Variants in ZFYVE26 observed in about 807,000 individuals in gnomAD.
ZFYVE26 encodes the protein zinc finger FYVE-type containing 26, also known as zinc finger FYVE domain-containing protein 26.
Under a neutral mutation model 276.5 loss-of-function variants are expected in ZFYVE26, and 181 were observed. The ratio of observed to expected loss-of-function variants is 0.65; its 90% CI spans 0.58 to 0.74. The LOEUF (loss-of-function observed/expected upper bound fraction) is 0.74. ZFYVE26 is among the 30% of genes least tolerant of loss of function. The probability of loss-of-function intolerance (pLI) is 0.00; values close to 1 mark genes in which losing one functional copy is unlikely to be tolerated. For missense variants in ZFYVE26, 2,821 were observed against 3,097.9 expected, an observed-to-expected ratio of 0.91 and a Z score of 2.12; for synonymous variants, 1,129 against 1,203.1, an observed-to-expected ratio of 0.94 and a Z score of 1.27.
chr14:67,742,896 G>A (rs2038433704), downstream of ZFYVE26, among the ~76,000 whole-genome samples: 2 of 137,382 alleles, frequency 1.5e-5, no homozygotes, highest in Admixed American at 1.6e-4. Flanking sequence ...CTGGAATGCA[G>A]TGGCACAACC....
chr14:67,749,499 T>C (rs1721559115), intron 41 of ZFYVE26, among the ~76,000 whole-genome samples: 1 of 152,164 alleles, frequency 6.6e-6, no homozygotes, highest in Non-Finnish European at 1.5e-5. Context: ...AACAGTGCTC[T>C]AGGCTGGTGA....
Position 67,785,049 on chromosome 14 carries a change from T to C in ZFYVE26, c.3523+10A>G. 1 of 1,614,106 alleles carries C rather than the reference T, an allele frequency of 6.2e-7. No homozygotes were observed. The highest frequency in any genetic ancestry group is 1.1e-5 in the South Asian group (1 of 91,028). On this transcript the variant is annotated intron_variant, in intron 19 of 41. Coordinates refer to ENST00000347230, the MANE Select transcript of ZFYVE26 (RefSeq NM_015346.4). ...TGCCATGAATCTATTGCCTCTTTCT[T>C]GCTACCTACCAGGCTCAGAGCTCAA...
rs2039992542 is a variant in ZFYVE26 at position 67,798,000 on chromosome 14, C to T, written c.2248+14G>A. On this transcript the variant is annotated intron_variant, in intron 11 of 41. Transcript: ENST00000347230. ...CTCCACCTTCTGGTCCCACCAGTTC[C>T]ACCCTTCTCTCACCTGAACGATGGT... 6.2e-7 allele frequency: 1 copy of T among 1,613,916 alleles called. No individual in the cohort carries two copies. Among genetic ancestry groups the T allele is most frequent in the Non-Finnish European group, 8.5e-7 (1 of 1,180,036 alleles).
rs751851894 is a variant in ZFYVE26, at chr14:67,802,183, C to A, written c.1535G>T (p.Cys512Phe). Residue 512 changes from cysteine to phenylalanine, a missense_variant, in exon 10 of 42, where the codon TGT (cysteine) becomes TTT (phenylalanine). Cys to Phe is a radical substitution (Grantham distance 205). Coordinates refer to ENST00000347230, the MANE Select transcript of ZFYVE26 (RefSeq NM_015346.4). Reference sequence around the variant, plus strand: ...CTGGGAGTGCTGGTGTGAGTTTACACAGAGGGCATAGATGGCATACTTCAT... The same window carrying A: ...CTGGGAGTGCTGGTGTGAGTTTACAAAGAGGGCATAGATGGCATACTTCAT... Reference protein sequence around the residue: ...CAMKYAIYALCVNSHQHSQCQ... With the variant: ...CAMKYAIYALFVNSHQHSQCQ... 6.2e-7 allele frequency: 1 copy of A among 1,614,144 alleles called. No individual in the cohort carries two copies. Among genetic ancestry groups the A allele is most frequent in the Non-Finnish European group, 8.5e-7 (1 of 1,180,038 alleles).
intron 21 of ZFYVE26, 75 bp downstream of exon 21, chr14:67,782,705 T>C (rs1055683463): frequency 6.3e-7 from 1 of 1,595,656 alleles, no homozygotes; most frequent in Non-Finnish European, 8.6e-7. Context: ...ACCGTGAGGA[T>C]TAAATGTGAT....
At chr14:67,775,335 T>C (rs1043743107) in intron 26 of ZFYVE26, among the ~76,000 whole-genome samples, 3 of 152,074 alleles carry the variant, frequency 2.0e-5, no homozygotes, top group Non-Finnish European at 4.4e-5. Flanking sequence ...GATAATGAAA[T>C]GGACACTAGG....
rs2038503075 is a variant in ZFYVE26 at position 67,747,093 on chromosome 14, A to G, written c.*1343T>C. 6.6e-6 allele frequency: 1 copy of G among 152,654 alleles called. No homozygotes were observed. The highest frequency in any genetic ancestry group is 6.5e-5 in the Admixed American group (1 of 15,278). The allele number at this position is 152,654 out of a possible 1,614,324, so 9.5% of individuals were successfully genotyped here. A position where few individuals can be genotyped will look rare whatever the true frequency, so the allele number is the denominator to read the frequency against. ...TCTCAGCATCATGGATGGGACCAATAGGCTGAGCTCTGGCCAGTGAGAGGT... is the reference window on the plus strand; with the variant it reads ...TCTCAGCATCATGGATGGGACCAATGGGCTGAGCTCTGGCCAGTGAGAGGT... On this transcript the variant is annotated 3_prime_UTR_variant, in exon 42 of 42. Transcript: ENST00000347230.
intron 32 of ZFYVE26, among the ~76,000 whole-genome samples, chr14:67,765,071 A>AT (rs920925931): frequency 6.0e-5 from 9 of 148,828 alleles, no homozygotes; most frequent in African/African-American, 2.0e-4. Context: ...AATTAGGTAG[A>AT]TTTTTTATTC....
intron 3 of ZFYVE26, among the ~76,000 whole-genome samples, chr14:67,813,188 G>A (rs2040337383): frequency 6.6e-6 from 1 of 152,146 alleles, no homozygotes; most frequent in Non-Finnish European, 1.5e-5. Context: ...TAGAATTTGT[G>A]GTTTCTTAAA....
chr14:67,789,888 T>A (rs552458541), intron 15 of ZFYVE26, among the ~76,000 whole-genome samples: 1 of 152,258 alleles, frequency 6.6e-6, no homozygotes, highest in Admixed American at 6.5e-5. Context: ...TCAGAAAAGA[T>A]CTCTAGAACG....
chr14:67,802,046 A>C, intron 10 of ZFYVE26, 33 bp downstream of exon 10: 2 of 1,610,232 alleles, frequency 1.2e-6, no homozygotes, highest in South Asian at 2.2e-5. Context: ...TGTTGTTATC[A>C]GCTTATCTCA....
chr14:67,807,616 C>T lies in ZFYVE26; in HGVS notation c.668G>A (p.Arg223Gln), dbSNP rs780808580. 33 of 1,614,064 alleles carry T rather than the reference C, an allele frequency of 2.0e-5. No homozygotes were observed. The highest frequency in any genetic ancestry group is 1.6e-4 in the Middle Eastern group (1 of 6,084). ...TGGTTCTGCGGGGCAACGCAGAGTCCGCAGGGCTCCATAGATGGCATCGAC... is the reference window on the plus strand; with the variant it reads ...TGGTTCTGCGGGGCAACGCAGAGTCTGCAGGGCTCCATAGATGGCATCGAC... ...GVVDAIYGAL[R>Q]TLRCPAEPLG... The change falls in exon 5 of 42, where the codon CGG (arginine) becomes CAG (glutamine). Residue 223 changes from arginine to glutamine, a missense_variant. Physicochemically the swap from Arg to Gln is conservative, Grantham distance 43. Transcript: ENST00000347230.
rs1260130018 is a variant in ZFYVE26 at position 67,802,119 on chromosome 14, G to A, written c.1599C>T (p.Ala533=). The A allele has an allele frequency of 1.9e-6, 3 of 1,613,794 alleles. No individual in the cohort carries two copies. The South Asian group carries it at 3.3e-5, about 18-fold the overall frequency. Residue 533 remains alanine, a synonymous_variant, in exon 10 of 42, where the codon GCC becomes GCT. Coordinates refer to ENST00000347230, the MANE Select transcript of ZFYVE26 (RefSeq NM_015346.4). ...AGTCATTCGCTGGCTCTGTAGCTGA[G>A]GCCAGGTCCTCAGAGAGGCTGTCTT... ...DCKDSLSEDL[A]SATEPANDSL...
Position 67,805,263 on chromosome 14 carries a change from A to C in ZFYVE26, c.1225T>G (p.Leu409Val). The change falls in exon 8 of 42, where the codon TTG becomes GTG. Residue 409 changes from leucine (L) to valine (V), a missense_variant. By Grantham distance (32) the Leu-to-Val change is conservative. Transcript: ENST00000347230. ...DELLRDACDG[L>V]WAHLEVLEWC... is the part of the protein sequence containing the mutation. ...TCCAGGACCTCCAGGTGAGCCCACA[A>C]CCCATCACAGGCATCCCTGAGGAGC... The C allele has an allele frequency of 1.9e-6, 3 of 1,614,082 alleles. No homozygotes were observed. The highest frequency in any genetic ancestry group is 2.5e-6 in the Non-Finnish European group (3 of 1,180,008).
intron 22 of ZFYVE26, among the ~76,000 whole-genome samples, chr14:67,780,851 G>GTTGTTA (rs2039479395): frequency 1.3e-5 from 2 of 152,106 alleles, no homozygotes; most frequent in African/African-American, 4.8e-5. Context: ...CTATTTTATA[G>GTTGTTA]TTGTTATGTA....
chr14:67,807,016 C>T (rs1388377923), intron 5 of ZFYVE26, among the ~76,000 whole-genome samples: 1 of 152,166 alleles, frequency 6.6e-6, no homozygotes. Flanking sequence ...CTGCAGCCTC[C>T]ACCTCCTGGG....
rs2039059977 is a variant in ZFYVE26, at chr14:67,766,374, A to G, written c.5864T>C (p.Ile1955Thr). ...RDSIACGHQL[I>T]EHCCRLSKGL... ...CTTGGAGAGCCTGCAGCAGTGCTCA[A>G]TCAGCTGGTGACCACAGGCAATGCT... The change falls in exon 32 of 42, where the codon ATT (isoleucine) becomes ACT (threonine). Residue 1955 changes from isoleucine (I) to threonine (T), a missense_variant. Physicochemically the swap from Ile to Thr is moderately conservative, Grantham distance 89. Coordinates refer to ENST00000347230, the MANE Select transcript of ZFYVE26 (RefSeq NM_015346.4). 2 of 1,612,896 alleles carry G rather than the reference A, an allele frequency of 1.2e-6. No individual in the cohort carries two copies. The highest frequency in any genetic ancestry group is 1.7e-6 in the Non-Finnish European group (2 of 1,180,018).
chr14:67,763,791 GT>G (rs2038992668), intron 32 of ZFYVE26, among the ~76,000 whole-genome samples: 1 of 152,224 alleles, frequency 6.6e-6, no homozygotes, highest in African/African-American at 2.4e-5. Context: ...AGATATTAAT[GT>G]TTGGAGTGGG....
intron 32 of ZFYVE26, among the ~76,000 whole-genome samples, chr14:67,764,135 A>G (rs1268953540): frequency 6.6e-6 from 1 of 152,138 alleles, no homozygotes; most frequent in Non-Finnish European, 1.5e-5. Context: ...GAAAGCCCAG[A>G]GGGCTGGATT....
Sources: allele counts gnomAD v4.1 joint callset (sites outside exome capture counted in the v4.1 genomes callset), GRCh38; gene constraint gnomAD v4.1.1; transcripts MANE v1.5; gene names NCBI Gene and HGNC (gene_info 2026-07-23, HGNC 2026-07-21).